PAX7: variants seen among roughly 807,000 people sequenced by gnomAD.
PAX7 encodes paired box 7, also known as paired box protein Pax-7.
Under a neutral mutation model 50.7 loss-of-function variants are expected in PAX7, and 18 were observed. The observed-to-expected ratio is 0.36, with a 90% confidence interval of 0.25 to 0.53. The LOEUF is 0.53. Among genes scored for constraint, PAX7 ranks in the 20% least tolerant of loss-of-function variants. PAX7 has a pLI of 0.93. For missense variants in PAX7, 644 were observed against 702.9 expected, an observed-to-expected ratio of 0.92 and a Z score of 0.95; for synonymous variants, 310 against 290.4, an observed-to-expected ratio of 1.07 and a Z score of -0.69.
chr1:18,745,663 C>T lies in PAX7; in HGVS notation c.*734C>T, dbSNP rs900505449. 1 of 230,930 alleles carries T rather than the reference C, an allele frequency of 4.3e-6. No individual in the cohort carries two copies. The highest frequency in any genetic ancestry group is 5.6e-5 in the Admixed American group (1 of 17,720). 14.3% of individuals were successfully genotyped at this position (230,930 alleles called of 1,614,324 possible). On this transcript the variant is annotated 3_prime_UTR_variant, in exon 9 of 9. Coordinates refer to ENST00000420770, the MANE Select transcript of PAX7 (RefSeq NM_001135254.2). The stretch of plus-strand genomic sequence containing the variant: ...GCACATGGGGGTGGGGCTTGTCAGC[C>T]GTGGGCCCGCCCAGGATACAAGGAC...
At chr1:18,659,679 G>T (rs1180485632) in intron 4 of PAX7, among the ~76,000 whole-genome samples, 1 of 152,160 alleles carries the variant, frequency 6.6e-6, no homozygotes, top group Non-Finnish European at 1.5e-5. Context: ...TGAGAGGTGG[G>T]AACCCTGCCT....
intron 4 of PAX7, among the ~76,000 whole-genome samples, chr1:18,645,062 C>T (rs1284804758): frequency 6.6e-6 from 1 of 152,216 alleles, no homozygotes; most frequent in Non-Finnish European, 1.5e-5. Context: ...GTGTGTTTAC[C>T]TGGATAGCTT....
intron 8 of PAX7, among the ~76,000 whole-genome samples, chr1:18,739,820 G>C (rs1319075699): frequency 6.6e-6 from 1 of 152,216 alleles, no homozygotes; most frequent in Non-Finnish European, 1.5e-5. Context: ...GGGGAGTGGG[G>C]GCAGGGGCCC....
At chr1:18,637,544 C>T (rs755017557) in intron 4 of PAX7, among the ~76,000 whole-genome samples, 1 of 152,194 alleles carries the variant, frequency 6.6e-6, no homozygotes, top group Non-Finnish European at 1.5e-5. Context: ...TTTCAGTCTC[C>T]CTTCAGAGGT....
intron 7 of PAX7, among the ~76,000 whole-genome samples, chr1:18,708,020 C>A (rs941281644): frequency 6.6e-6 from 1 of 152,104 alleles, no homozygotes; most frequent in Non-Finnish European, 1.5e-5. Flanking sequence ...CTGATTGTCT[C>A]CCCTACCCAC....
rs2088149112 is a variant in PAX7 at position 18,636,009 on chromosome 1, G to T, written c.452-228G>T. Among the ~76,000 whole-genome samples the T allele has an allele frequency of 6.6e-6, 1 of 152,154 alleles. No individual in the cohort carries two copies. On this transcript the variant is annotated intron_variant, in intron 3 of 8. Transcript: ENST00000420770. This position sits in a 1 kb window ranked among gnomAD's most constrained non-coding sequence, Gnocchi z 5.1. ...TGCATGCAAGCATCTGCATAGAAAT[G>T]CACAGTCTAACCACCCTGTGAGTGC...
intron 8 of PAX7, among the ~76,000 whole-genome samples, chr1:18,738,961 A>G (rs754000862): frequency 6.6e-6 from 1 of 152,160 alleles, no homozygotes; most frequent in Non-Finnish European, 1.5e-5. Flanking sequence ...CACTTGCCCC[A>G]CATCCCTGGG....
intron 1 of PAX7, among the ~76,000 whole-genome samples, chr1:18,633,604 T>A (rs939253159): frequency 1.3e-5 from 2 of 152,192 alleles, no homozygotes; most frequent in Non-Finnish European, 2.9e-5. Flanking sequence ...AAATTAGGAC[T>A]TCGAGGGTGG....
intron 4 of PAX7, among the ~76,000 whole-genome samples, chr1:18,682,999 A>T (rs748250328): frequency 3.3e-5 from 5 of 152,162 alleles, no homozygotes; most frequent in African/African-American, 4.8e-5. Context: ...GCTCACCAGG[A>T]CAGGGGAGTA....
At chr1:18,719,586 G>C (rs1387940402) in intron 7 of PAX7, among the ~76,000 whole-genome samples, 2 of 152,232 alleles carry the variant, frequency 1.3e-5, no homozygotes, top group Non-Finnish European at 2.9e-5. Flanking sequence ...TATCACAAAG[G>C]GGACATGTCC....
intron 5 of PAX7, among the ~76,000 whole-genome samples, chr1:18,695,314 C>A (rs913644379): frequency 2.0e-5 from 3 of 152,242 alleles, no homozygotes; most frequent in Non-Finnish European, 4.4e-5. Context: ...CCAATTCTAG[C>A]CACCTTTGCA....
intron 7 of PAX7, among the ~76,000 whole-genome samples, chr1:18,725,216 G>C (rs2089543763): frequency 6.6e-6 from 1 of 151,930 alleles, no homozygotes; most frequent in African/African-American, 2.4e-5. Flanking sequence ...TGTCTGCCCA[G>C]GTACTAACAA....
At chr1:18,638,629 C>T (rs1315318532) in intron 4 of PAX7, among the ~76,000 whole-genome samples, 5 of 152,150 alleles carry the variant, frequency 3.3e-5, no homozygotes, top group African/African-American at 4.8e-5. Flanking sequence ...TGTTTACCCA[C>T]GGGCCTTCTG....
At chr1:18,651,241 G>T (rs2088425356) in intron 4 of PAX7, among the ~76,000 whole-genome samples, 1 of 152,156 alleles carries the variant, frequency 6.6e-6, no homozygotes, top group South Asian at 2.1e-4. Context: ...AAAGTGATTT[G>T]TGTGAAATAC....
chr1:18,734,607 C>G (rs1480932846), intron 7 of PAX7, among the ~76,000 whole-genome samples: 2 of 152,170 alleles, frequency 1.3e-5, no homozygotes, highest in Admixed American at 6.5e-5. Flanking sequence ...TCCACCTCCC[C>G]TAGATTTCCC....
intron 7 of PAX7, among the ~76,000 whole-genome samples, chr1:18,715,905 C>T (rs1432369801): frequency 6.6e-6 from 1 of 152,100 alleles, no homozygotes; most frequent in African/African-American, 2.4e-5. Context: ...AATTCATGTT[C>T]CCTCAACACC....
chr1:18,635,351 T>C (rs2088133786), intron 3 of PAX7, 111 bp downstream of exon 3: 3 of 1,290,912 alleles, frequency 2.3e-6, no homozygotes, highest in Middle Eastern at 2.6e-4. Context: ...ACTGTGAACT[T>C]ACTGAGAAGT....
intron 4 of PAX7, among the ~76,000 whole-genome samples, chr1:18,684,740 G>A (rs188278199): frequency 1.2e-4 from 19 of 152,328 alleles, no homozygotes; most frequent in Admixed American, 9.8e-4. Context: ...TATGTGATTC[G>A]TTTCTCTGCC....
At chr1:18,663,977 TAGAAAGCCCCCA>T (rs2088633496) in intron 4 of PAX7, among the ~76,000 whole-genome samples, 2 of 152,216 alleles carry the variant, frequency 1.3e-5, no homozygotes, top group Non-Finnish European at 2.9e-5. Context: ...AATGGGGGCT[TAGAAAGCCCCCA>T]CCCCACCCAC....
Sources: allele counts gnomAD v4.1 joint callset (sites outside exome capture counted in the v4.1 genomes callset), GRCh38; gene constraint gnomAD v4.1.1; non-coding constraint Gnocchi (gnomAD v3.1); transcripts MANE v1.5; gene names NCBI Gene and HGNC (gene_info 2026-07-23, HGNC 2026-07-21).